Variants in RFFL observed in about 807,000 individuals in gnomAD.
The protein encoded by RFFL is E3 ubiquitin-protein ligase rififylin.
In RFFL, 16 loss-of-function variants were observed where a neutral mutation model predicts 40.4. That is an observed-to-expected ratio of 0.40 (90% CI 0.27 to 0.60). RFFL has a LOEUF of 0.60. RFFL is among the 20% of genes least tolerant of loss of function. The pLI, the probability that RFFL is intolerant of heterozygous loss-of-function variation, is 0.47. For synonymous variants in RFFL, 154 were observed against 167.9 expected (o/e 0.92, Z 0.64); for missense variants, 367 against 451.7 (o/e 0.81, Z 1.70).
chr17:35,077,263 T>G (rs2142383316), intron 1 of RFFL, among the ~76,000 whole-genome samples: 1 of 152,058 alleles, frequency 6.6e-6, no homozygotes, highest in East Asian at 1.9e-4. Context: ...ATAGGTGGCA[T>G]GAGGAAGAAA....
At chr17:35,049,619 G>A (rs1409979068) in intron 1 of RFFL, among the ~76,000 whole-genome samples, 6 of 152,188 alleles carry the variant, frequency 3.9e-5, no homozygotes, top group Non-Finnish European at 1.5e-5. Context: ...AAGGGGTGAA[G>A]CAATTCAGCA....
In RFFL at chr17:35,062,359, C is replaced by T. The variant is rs556091906; in HGVS notation, c.-9+1217G>A. On this transcript the variant is annotated intron_variant, in intron 1 of 6. Coordinates refer to ENST00000394597, the MANE Select transcript of RFFL (RefSeq NM_001017368.2). ...CAGAGGTTGCAGTGAGCTAAGATCA[C>T]ACCACTGCACTGCAGCCTGGGTGAC... Among the ~76,000 whole-genome samples, 20 of 152,062 alleles carry T rather than the reference C, an allele frequency of 1.3e-4. No individual in the cohort carries two copies. The South Asian group carries it at 2.5e-3, about 19-fold the overall frequency.
At chr17:35,020,679 T>C (rs2091002837) in intron 3 of RFFL, among the ~76,000 whole-genome samples, 2 of 152,226 alleles carry the variant, frequency 1.3e-5, no homozygotes, top group South Asian at 4.1e-4. Flanking sequence ...TCTAATCCAG[T>C]AGTTAGTTGG....
chr17:35,047,528 T>A (rs1399915189), intron 1 of RFFL, among the ~76,000 whole-genome samples: 1 of 152,054 alleles, frequency 6.6e-6, no homozygotes, highest in African/African-American at 2.4e-5. Context: ...TTTGTTAAGG[T>A]TGTTTTTGTT....
intron 1 of RFFL, among the ~76,000 whole-genome samples, chr17:35,031,879 A>C (rs2091085463): frequency 6.6e-6 from 1 of 151,976 alleles, no homozygotes; most frequent in Non-Finnish European, 1.5e-5. Flanking sequence ...GAGGATCACG[A>C]GGTCAGGAGA....
intron 1 of RFFL, among the ~76,000 whole-genome samples, chr17:35,043,040 T>C (rs750218928): frequency 9.9e-5 from 15 of 152,124 alleles, no homozygotes; most frequent in African/African-American, 1.4e-4. Context: ...TAATAGACAT[T>C]TTCTATCCTC....
intron 1 of RFFL, chr17:35,076,915 A>G: frequency 3.7e-6 from 1 of 271,312 alleles, no homozygotes. Context: ...GAGGCACTTA[A>G]AAATTGTATA....
chr17:35,049,262 AG>A (rs2091218276), intron 1 of RFFL, among the ~76,000 whole-genome samples: 1 of 152,138 alleles, frequency 6.6e-6, no homozygotes, highest in South Asian at 2.1e-4. Context: ...ACAAAGTGGA[AG>A]GACAGATGAT....
intron 3 of RFFL, among the ~76,000 whole-genome samples, chr17:35,020,526 C>T (rs1252452047): frequency 6.6e-6 from 1 of 151,578 alleles, no homozygotes; most frequent in East Asian, 1.9e-4. Flanking sequence ...CAACGCACCC[C>T]AGTCTGTGGA....
intron 1 of RFFL, among the ~76,000 whole-genome samples, chr17:35,084,991 G>T (rs1042054180): frequency 4.6e-5 from 7 of 152,082 alleles, no homozygotes; most frequent in Non-Finnish European, 8.8e-5. Context: ...TGGCCTCATA[G>T]TAGTAATAAT....
At chr17:35,022,951 G>T (rs547503232) in intron 2 of RFFL, among the ~76,000 whole-genome samples, 2 of 152,330 alleles carry the variant, frequency 1.3e-5, no homozygotes, top group South Asian at 4.1e-4. Flanking sequence ...TGACAACACA[G>T]GAAGGCTTAC....
intron 1 of RFFL, among the ~76,000 whole-genome samples, chr17:35,057,085 T>C (rs1000995008): frequency 6.6e-6 from 1 of 151,864 alleles, no homozygotes; most frequent in African/African-American, 2.4e-5. Context: ...CTGGCTAAAA[T>C]TTTTTATATT....
rs767399211 is a variant in RFFL at position 35,016,528 on chromosome 17, T to G, written c.728A>C (p.Asp243Ala). 21 of 1,614,156 alleles carry G rather than the reference T, an allele frequency of 1.3e-5. No homozygotes were observed. Among genetic ancestry groups the G allele is most frequent in the Non-Finnish European group, 1.8e-5 (21 of 1,180,006 alleles). Residue 243 changes from aspartate (D) to alanine (A), a missense_variant, in exon 5 of 7, where the codon GAC becomes GCC. Coordinates refer to ENST00000394597, the MANE Select transcript of RFFL (RefSeq NM_001017368.2). ...TTCAATGTCCTCCAGGTCAGTCAGG[T>G]CAGACAGAGAGGCCCTTCGGCCTGG... Reference protein sequence around the residue: ...FVPGRRASLSDLTDLEDIEGL... With the variant: ...FVPGRRASLSALTDLEDIEGL...
chr17:35,049,266 C>T (rs1296009171), intron 1 of RFFL, among the ~76,000 whole-genome samples: 1 of 152,092 alleles, frequency 6.6e-6, no homozygotes, highest in Non-Finnish European at 1.5e-5. Context: ...AGTGGAAGGA[C>T]AGATGATTTT....
chr17:35,018,086 T>C (rs1247750689), intron 3 of RFFL, among the ~76,000 whole-genome samples: 1 of 152,148 alleles, frequency 6.6e-6, no homozygotes, highest in African/African-American at 2.4e-5. Context: ...GTTTATACCA[T>C]GTTTTCCCCT....
intron 3 of RFFL, 56 bp downstream of exon 3, chr17:35,021,315 T>C (rs1454941881): frequency 6.8e-7 from 1 of 1,479,850 alleles, no homozygotes; most frequent in African/African-American, 1.4e-5. Flanking sequence ...GAGAGGAAAA[T>C]GAAAATGAGC....
chr17:35,023,337 A>G (rs777368709), intron 2 of RFFL, among the ~76,000 whole-genome samples: 7 of 152,238 alleles, frequency 4.6e-5, no homozygotes, highest in Non-Finnish European at 1.0e-4. Context: ...TATCATTCAC[A>G]TAGTAAAGGG....
chr17:35,072,214 G>C (rs1030119115), intron 1 of RFFL, among the ~76,000 whole-genome samples: 2 of 151,180 alleles, frequency 1.3e-5, no homozygotes, highest in Admixed American at 1.3e-4. Flanking sequence ...TAGAGAGGCA[G>C]AGGTTGCAGT....
At position 35,050,022 on chromosome 17, in the gene RFFL, CAG is replaced by C. The variant is rs560483542; in HGVS notation, c.-9+13552_-9+13553del. 3.9e-4 allele frequency among the ~76,000 whole-genome samples: 58 copies of C among 150,058 alleles called. No homozygotes were observed. In the South Asian group the frequency reaches 0.011, roughly 29 times the overall value. On this transcript the variant is annotated intron_variant, in intron 1 of 6. Coordinates refer to ENST00000394597, the MANE Select transcript of RFFL (RefSeq NM_001017368.2). ...GCTTGAGCCATGGAGGCAGAGGTTG[CAG>C]AGAGCTGAGATCACGCCATTGCACT...
Sources: gnomAD v4.1 joint callset for allele counts (sites outside exome capture counted in the v4.1 genomes callset) on GRCh38, gnomAD v4.1.1 for gene constraint, MANE v1.5 for transcripts, NCBI Gene and HGNC (gene_info 2026-07-23, HGNC 2026-07-21) for gene names.